Variants in LAMA2 observed in about 807,000 individuals in gnomAD.
The protein encoded by LAMA2 is laminin subunit alpha-2.
A neutral mutation model predicts 364.8 loss-of-function variants in LAMA2; 269 were observed. The observed-to-expected ratio is 0.74, with a 90% CI of 0.67 to 0.82. The LOEUF is 0.82. LAMA2 is among the 40% of genes least tolerant of loss of function. LAMA2 has a pLI of 0.00. For synonymous variants in LAMA2, 1,379 were observed against 1,370.6 expected (o/e 1.01, Z -0.14); for missense variants, 3,807 against 3,873.2 (o/e 0.98, Z 0.45).
intron 27 of LAMA2, among the ~76,000 whole-genome samples, chr6:129,318,645 G>A (rs1583483350): frequency 6.6e-6 from 1 of 152,164 alleles, no homozygotes; most frequent in Non-Finnish European, 1.5e-5. Context: ...TGCAGAAGGG[G>A]AGTGGTTTGC....
rs190945886 is a variant in LAMA2 at position 129,411,834 on chromosome 6, A to G, written c.5865+7875A>G. ...GGGCAAAAGTGAACAAAAAGATAGA[A>G]AATGTGTACAAATCTAAGTAAGCAT... On this transcript the variant is annotated intron_variant, in intron 40 of 64. Transcript: ENST00000421865. Among the ~76,000 whole-genome samples, 664 of 152,308 alleles carry G rather than the reference A, an allele frequency of 4.4e-3. 6 individuals carry two copies. Among genetic ancestry groups the G allele is most frequent in the African/African-American group, 0.015 (644 of 41,570 alleles).
chr6:129,415,133 C>T (rs1444142237), intron 40 of LAMA2, among the ~76,000 whole-genome samples: 1 of 152,168 alleles, frequency 6.6e-6, no homozygotes, highest in Non-Finnish European at 1.5e-5. Flanking sequence ...TCATTCTTCC[C>T]TTTAGCTTCC....
intron 35 of LAMA2, among the ~76,000 whole-genome samples, chr6:129,383,871 T>A (rs528346683): frequency 6.6e-6 from 1 of 152,178 alleles, no homozygotes; most frequent in South Asian, 2.1e-4. Context: ...TCCTTAAATA[T>A]CTGTTAAAAT....
At chr6:129,249,102 G>C (rs1785983291) in intron 12 of LAMA2, among the ~76,000 whole-genome samples, 1 of 152,090 alleles carries the variant, frequency 6.6e-6, no homozygotes, top group Non-Finnish European at 1.5e-5. Context: ...ACACTAAGAG[G>C]AATCAGGGTT....
At chr6:129,366,421 G>A in intron 33 of LAMA2, 60 bp downstream of exon 33, 2 of 1,577,842 alleles carry the variant, frequency 1.3e-6, no homozygotes, top group Non-Finnish European at 1.7e-6. Context: ...TTCACAAGCG[G>A]TATTGGCTGT....
chr6:129,485,930 C>T (rs1407241965), intron 55 of LAMA2, among the ~76,000 whole-genome samples: 1 of 152,150 alleles, frequency 6.6e-6, no homozygotes, highest in East Asian at 1.9e-4. Context: ...ACACTGGTTG[C>T]TATAGTAACA....
At position 129,312,896 on chromosome 6, in the gene LAMA2, C is replaced by T. The variant is rs1264195720; in HGVS notation, c.3210C>T (p.Phe1070=). Residue 1070 remains phenylalanine (F), a synonymous_variant, in exon 23 of 65, where the codon TTC becomes TTT. Coordinates refer to ENST00000421865, the MANE Select transcript of LAMA2 (RefSeq NM_000426.4). The part of the protein sequence containing the change: ...CNCSTVGSLD[F]QCNVNTGQCN... ...GCAGCACAGTGGGATCCTTGGATTT[C>T]CAATGCAATGTAAATACAGGCCAAT... 6.2e-7 allele frequency: 1 copy of T among 1,613,892 alleles called. No homozygotes were observed. The highest frequency in any genetic ancestry group is 8.5e-7 in the Non-Finnish European group (1 of 1,179,918).
At chr6:128,981,944 CA>C (rs1383074767) in intron 1 of LAMA2, among the ~76,000 whole-genome samples, 1 of 152,170 alleles carries the variant, frequency 6.6e-6, no homozygotes, top group Non-Finnish European at 1.5e-5. Context: ...GTTAGGCACC[CA>C]ACCTCTCTGC....
intron 1 of LAMA2, among the ~76,000 whole-genome samples, chr6:128,928,022 G>A (rs941226380): frequency 6.6e-6 from 1 of 152,194 alleles, no homozygotes; most frequent in Non-Finnish European, 1.5e-5. Flanking sequence ...GCCTCTCTGG[G>A]ACAGGCAATG....
At chr6:129,009,224 A>G (rs1409558175) in intron 1 of LAMA2, among the ~76,000 whole-genome samples, 1 of 152,254 alleles carries the variant, frequency 6.6e-6, no homozygotes, top group Middle Eastern at 3.4e-3. Flanking sequence ...TACTTAAGCC[A>G]TCTTGTAGAA....
At chr6:129,035,068 C>A (rs1178803029) in intron 1 of LAMA2, among the ~76,000 whole-genome samples, 5 of 152,052 alleles carry the variant, frequency 3.3e-5, no homozygotes, top group African/African-American at 1.2e-4. Flanking sequence ...ATATTGATTT[C>A]CATAGGGGTT....
In LAMA2 at chr6:129,486,624, T is replaced by C; in HGVS notation, c.7898+2T>C. On this transcript the variant is annotated splice_donor_variant, in intron 56 of 64. Coordinates refer to ENST00000421865, the MANE Select transcript of LAMA2 (RefSeq NM_000426.4). LOFTEE classifies it high-confidence loss of function. ...CGTTCATGTAGAGCGAACTAGAGGG[T>C]AACAATAGCACTAAAATATTTATTA... is the stretch of plus-strand genomic sequence containing the variant. 6.2e-7 allele frequency: 1 copy of C among 1,612,656 alleles called. No homozygotes were observed. Among genetic ancestry groups the C allele is most frequent in the Non-Finnish European group, 8.5e-7 (1 of 1,178,714 alleles).
At chr6:129,415,383 A>C (rs182619330) in intron 40 of LAMA2, among the ~76,000 whole-genome samples, 15 of 152,228 alleles carry the variant, frequency 9.9e-5, no homozygotes, top group Admixed American at 8.5e-4. Context: ...AATAACTTGC[A>C]GTGAATTATT....
In LAMA2 at chr6:129,149,104, C is replaced by A; in HGVS notation, c.1027+8C>A. On this transcript the variant is annotated splice_region_variant and intron_variant, in intron 7 of 64. Coordinates refer to ENST00000421865, the MANE Select transcript of LAMA2 (RefSeq NM_000426.4). Reference sequence around the variant, plus strand: ...CTAAAACTGAATGTGAAGGTATGTTCTTTAGAAGCCAACAAAATATGTCAT... The same window carrying A: ...CTAAAACTGAATGTGAAGGTATGTTATTTAGAAGCCAACAAAATATGTCAT... 2 of 1,487,986 alleles carry A rather than the reference C, an allele frequency of 1.3e-6. No homozygotes were observed. The highest frequency in any genetic ancestry group is 1.9e-6 in the Non-Finnish European group (2 of 1,065,016). 92.2% of individuals were successfully genotyped at this position (1,487,986 alleles called of 1,614,324 possible). A position where few individuals can be genotyped will look rare whatever the true frequency, so the allele number is the denominator to read the frequency against.
chr6:129,194,462 C>A (rs1781720509), intron 12 of LAMA2, among the ~76,000 whole-genome samples: 1 of 152,022 alleles, frequency 6.6e-6, no homozygotes, highest in South Asian at 2.1e-4. Context: ...TTTGGACATC[C>A]CATTAGTAGT....
At chr6:128,976,800 T>A (rs1053416423) in intron 1 of LAMA2, among the ~76,000 whole-genome samples, 5 of 152,184 alleles carry the variant, frequency 3.3e-5, no homozygotes, top group African/African-American at 1.2e-4. Context: ...TTCTTGGTTC[T>A]GTGTTGTAAG....
intron 4 of LAMA2, among the ~76,000 whole-genome samples, chr6:129,135,055 G>A (rs758991095): frequency 1.1e-4 from 17 of 151,970 alleles, no homozygotes; most frequent in Non-Finnish European, 2.5e-4. Flanking sequence ...CCTAGGGCAC[G>A]GTAAAAAGTC....
chr6:129,199,949 A>G (rs1429605589), intron 12 of LAMA2, among the ~76,000 whole-genome samples: 1 of 151,628 alleles, frequency 6.6e-6, no homozygotes, highest in African/African-American at 2.4e-5. Context: ...TGTGGTGACA[A>G]ACGCCTGCAA....
At chr6:129,229,888 C>T (rs2115125970) in intron 12 of LAMA2, among the ~76,000 whole-genome samples, 1 of 152,190 alleles carries the variant, frequency 6.6e-6, no homozygotes, top group East Asian at 1.9e-4. Flanking sequence ...ATGAACTCAG[C>T]TTAGCTAATT....
Sources: allele counts gnomAD v4.1 joint callset (sites outside exome capture counted in the v4.1 genomes callset), GRCh38; gene constraint gnomAD v4.1.1; transcripts MANE v1.5; gene names NCBI Gene and HGNC (gene_info 2026-07-23, HGNC 2026-07-21).